Variants in GLG1 observed in about 807,000 individuals in gnomAD.
GLG1 encodes the protein Golgi apparatus protein 1.
GLG1 carries 38 observed loss-of-function variants against 160.5 expected under a neutral mutation model. The observed-to-expected ratio is 0.24, with a 90% CI of 0.18 to 0.31. GLG1 has a LOEUF of 0.31. Among genes scored for constraint, GLG1 ranks in the 10% least tolerant of loss-of-function variants. The pLI is 1.00. For missense variants in GLG1, 1,373 were observed against 1,505.2 expected (o/e 0.91, Z 1.45); for synonymous variants, 644 against 543.4 (o/e 1.19, Z -2.57).
Position 74,447,524 on chromosome 16 carries a change from T to A in GLG1, c.*5643A>T, listed in dbSNP as rs1265563165. On this transcript the variant is annotated 3_prime_UTR_variant, in exon 26 of 26. Transcript: ENST00000422840. The stretch of plus-strand genomic sequence containing the variant: ...ATGTTCAGAACATATCTCAGTAACA[T>A]CTCAAAATTACACAGCATGAACATG... 1 of 152,098 alleles carries A rather than the reference T, an allele frequency of 6.6e-6. No homozygotes were observed. The highest frequency in any genetic ancestry group is 1.5e-5 in the Non-Finnish European group (1 of 68,022). The allele number at this position is 152,098 out of a possible 1,614,324, so 9.4% of individuals were successfully genotyped here. A position where few individuals can be genotyped will look rare whatever the true frequency, so the allele number is the denominator to read the frequency against.
intron 1 of GLG1, among the ~76,000 whole-genome samples, chr16:74,580,998 G>C (rs1359110411): frequency 6.6e-6 from 1 of 152,176 alleles, no homozygotes; most frequent in African/African-American, 2.4e-5. Flanking sequence ...GAAAATAAGT[G>C]TTGGTGAGGA....
chr16:74,565,370 A>G (rs1481264963), intron 1 of GLG1, among the ~76,000 whole-genome samples: 1 of 152,218 alleles, frequency 6.6e-6, no homozygotes, highest in Non-Finnish European at 1.5e-5. Flanking sequence ...GGTTGACCAA[A>G]GAGGGGAATT....
chr16:74,588,648 G>C (rs754943986), intron 1 of GLG1, among the ~76,000 whole-genome samples: 2 of 151,892 alleles, frequency 1.3e-5, no homozygotes, highest in East Asian at 1.9e-4. Context: ...CAAACTCCTA[G>C]GCTCAGGAAA....
intron 19 of GLG1, among the ~76,000 whole-genome samples, chr16:74,465,137 C>T (rs1057413928): frequency 6.6e-6 from 1 of 152,190 alleles, no homozygotes; most frequent in Non-Finnish European, 1.5e-5. Context: ...CCGTGCCCTG[C>T]CGAACCTTGA....
chr16:74,497,628 G>A (rs1052140183), intron 4 of GLG1, among the ~76,000 whole-genome samples: 8 of 151,812 alleles, frequency 5.3e-5, no homozygotes, highest in African/African-American at 7.3e-5. Flanking sequence ...TAATAGAGAC[G>A]GGGTTTCACC....
intron 1 of GLG1, among the ~76,000 whole-genome samples, chr16:74,573,099 C>T (rs961471751): frequency 7.9e-5 from 12 of 152,092 alleles, no homozygotes; most frequent in Admixed American, 3.3e-4. Context: ...GTAGGAAAAA[C>T]TCTTTGGTTT....
chr16:74,565,013 A>C (rs2018613252), intron 1 of GLG1, among the ~76,000 whole-genome samples: 2 of 152,184 alleles, frequency 1.3e-5, no homozygotes, highest in African/African-American at 4.8e-5. Context: ...TGGATGCCTA[A>C]AGTTTTGTCA....
Position 74,493,106 on chromosome 16 carries a change from A to G in GLG1, c.1085T>C (p.Ile362Thr). The G allele has an allele frequency of 3.1e-6, 5 of 1,613,356 alleles. No homozygotes were observed. The highest frequency in any genetic ancestry group is 4.2e-6 in the Non-Finnish European group (5 of 1,179,670). Residue 362 changes from isoleucine (I) to threonine (T), a missense_variant, in exon 7 of 26, where the codon ATT becomes ACT. Coordinates refer to ENST00000422840, the MANE Select transcript of GLG1 (RefSeq NM_001145667.2). ...REALTTRQKL[I>T]AQDYKVSYSL... ...ATAACTGACTTTATAATCCTGGGCA[A>G]TCAGCTTTTGGCGGGTTGTAAGTGC... is the stretch of plus-strand genomic sequence containing the variant.
chr16:74,448,336 AG>A lies in GLG1; in HGVS notation c.*4830del, dbSNP rs926184056. On this transcript the variant is annotated 3_prime_UTR_variant, in exon 26 of 26. Coordinates refer to ENST00000422840, the MANE Select transcript of GLG1 (RefSeq NM_001145667.2). ...GTGGAGAGGAGGCGAGTGGGGAGGAAGGAAGTGTCCCTCAAGGCCTGAGAGA... is the reference window on the plus strand; with the variant it reads ...GTGGAGAGGAGGCGAGTGGGGAGGAAGAAGTGTCCCTCAAGGCCTGAGAGA... 1 of 152,230 alleles carries A rather than the reference AG, an allele frequency of 6.6e-6. No individual in the cohort carries two copies. Among genetic ancestry groups the A allele is most frequent in the Non-Finnish European group, 1.5e-5 (1 of 68,054 alleles). 9.4% of individuals were successfully genotyped at this position (152,230 alleles called of 1,614,324 possible). A position where few individuals can be genotyped will look rare whatever the true frequency, so the allele number is the denominator to read the frequency against.
At chr16:74,566,050 T>C (rs1471454034) in intron 1 of GLG1, among the ~76,000 whole-genome samples, 3 of 152,234 alleles carry the variant, frequency 2.0e-5, no homozygotes, top group African/African-American at 7.2e-5. Context: ...TCATGGGTTA[T>C]AGGCTTTTTG....
intron 1 of GLG1, among the ~76,000 whole-genome samples, chr16:74,601,725 A>C (rs749122696): frequency 4.1e-4 from 63 of 152,180 alleles, no homozygotes; most frequent in Admixed American, 2.2e-3. Context: ...TTTGCCTGAG[A>C]AATCTACAAA....
At position 74,607,040 on chromosome 16, in the gene GLG1, G is replaced by C; in HGVS notation, c.55C>G (p.Leu19Val). ...RMFRLSAALH[L>V]LLLFAAGAEK... ...GCCCCGGCCGCGAATAGCAGCAGCA[G>C]ATGCAGCGCCGCCGACAAGCGGAAC... The change falls in exon 1 of 26, where the codon CTG becomes GTG. Residue 19 changes from leucine to valine, a missense_variant. Leu to Val is a conservative substitution (Grantham distance 32). Coordinates refer to ENST00000422840, the MANE Select transcript of GLG1 (RefSeq NM_001145667.2). The C allele has an allele frequency of 1.3e-6, 2 of 1,594,600 alleles. No individual in the cohort carries two copies. The highest frequency in any genetic ancestry group is 1.7e-6 in the Non-Finnish European group (2 of 1,173,332).
At chr16:74,490,792 T>C (rs117651904) in intron 8 of GLG1, among the ~76,000 whole-genome samples, 1,689 of 152,328 alleles carry the variant, frequency 0.011, 14 homozygotes, top group Non-Finnish European at 0.018. Context: ...TTTTTATTGA[T>C]TATGAGCTCA....
At chr16:74,482,973 CAGG>C (rs2015657208) in intron 10 of GLG1, 47 bp downstream of exon 10, 2 of 944,980 alleles carry the variant, frequency 2.1e-6, no homozygotes, top group Non-Finnish European at 3.5e-6. Flanking sequence ...TATGACTACA[CAGG>C]AGAAGAGGCT....
At chr16:74,498,672 C>G (rs891650259) in intron 4 of GLG1, among the ~76,000 whole-genome samples, 1 of 148,892 alleles carries the variant, frequency 6.7e-6, no homozygotes, top group Non-Finnish European at 1.5e-5. Flanking sequence ...CGAGACCAGC[C>G]TGGCCAACAT....
At chr16:74,499,113 T>C (rs1315704391) in intron 4 of GLG1, among the ~76,000 whole-genome samples, 2 of 152,224 alleles carry the variant, frequency 1.3e-5, no homozygotes, top group Non-Finnish European at 2.9e-5. Context: ...AGGAGTTAAC[T>C]AACTCATTTG....
intron 1 of GLG1, among the ~76,000 whole-genome samples, chr16:74,543,835 C>CA (rs1348899780): frequency 1.3e-5 from 2 of 151,972 alleles, no homozygotes; most frequent in Non-Finnish European, 1.5e-5. Flanking sequence ...GATGGTACTC[C>CA]ACCTGAGCCA....
intron 11 of GLG1, among the ~76,000 whole-genome samples, chr16:74,478,168 TTG>T (rs1367908781): frequency 4.6e-5 from 7 of 152,138 alleles, no homozygotes; most frequent in African/African-American, 1.4e-4. Context: ...TTGGAAAGTT[TTG>T]TGTTTGTTGT....
At chr16:74,500,813 T>G (rs781769586) in intron 4 of GLG1, among the ~76,000 whole-genome samples, 1 of 152,234 alleles carries the variant, frequency 6.6e-6, no homozygotes, top group Admixed American at 6.5e-5. Flanking sequence ...ATCTTTACTT[T>G]TGGAAATCTG....
Sources: gnomAD v4.1 joint callset for allele counts (sites outside exome capture counted in the v4.1 genomes callset) on GRCh38, gnomAD v4.1.1 for gene constraint, MANE v1.5 for transcripts, NCBI Gene and HGNC (gene_info 2026-07-23, HGNC 2026-07-21) for gene names.